The following ABI3BP variants were observed in gnomAD, a reference collection of about 807,000 sequenced individuals.
The protein encoded by ABI3BP is target of Nesh-SH3.
Under a neutral mutation model 268.6 loss-of-function variants are expected in ABI3BP, and 216 were observed. The ratio of observed to expected loss-of-function variants is 0.80; its 90% CI spans 0.72 to 0.90. The LOEUF (loss-of-function observed/expected upper bound fraction) is 0.90, where lower values mean the gene tolerates loss of function less well. ABI3BP is among the 40% of genes least tolerant of loss of function. The pLI, the probability that ABI3BP is intolerant of heterozygous loss-of-function variation, is 0.00. For missense variants in ABI3BP, 2,090 were observed against 2,182.4 expected, an observed-to-expected ratio of 0.96 and a Z score of 0.84; for synonymous variants, 730 against 730.0, an observed-to-expected ratio of 1.00 and a Z score of 0.00.
chr3:100,880,349 C>T (rs73137251), intron 6 of ABI3BP, among the ~76,000 whole-genome samples: 5 of 152,178 alleles, frequency 3.3e-5, no homozygotes, highest in East Asian at 1.9e-4. Flanking sequence ...CCGATTCCCC[C>T]ATTCTTGCTG....
chr3:100,910,547 TAA>T (rs1237259399), intron 2 of ABI3BP, among the ~76,000 whole-genome samples: 17 of 150,106 alleles, frequency 1.1e-4, no homozygotes, highest in African/African-American at 4.2e-4. Flanking sequence ...CCTTTTTTTT[TAA>T]AAAAAAAATA....
In ABI3BP at chr3:100,840,146, C is replaced by T. The variant is rs1405341108; in HGVS notation, c.1823G>A (p.Arg608Lys). ...ACGGGGGCGGGGGCGACGACCTGGT[C>T]TTTTGGTCTTTCGTGGTGCTGAAGA... ...STTLAPRKTK[R>K]PGRRPRPRPR... Residue 608 changes from arginine to lysine, a missense_variant, in exon 23 of 68, where the codon AGA (arginine) becomes AAA (lysine). Coordinates refer to ENST00000471714, the MANE Select transcript of ABI3BP (RefSeq NM_001375547.2). 1 of 1,532,216 alleles carries T rather than the reference C, an allele frequency of 6.5e-7. No individual in the cohort carries two copies. Among genetic ancestry groups the T allele is most frequent in the Non-Finnish European group, 8.7e-7 (1 of 1,145,262 alleles). The allele number at this position is 1,532,216 out of a possible 1,614,324, so 94.9% of individuals were successfully genotyped here.
chr3:100,962,269 A>G (rs2079412469), intron 1 of ABI3BP, among the ~76,000 whole-genome samples: 1 of 152,076 alleles, frequency 6.6e-6, no homozygotes, highest in South Asian at 2.1e-4. Flanking sequence ...CTACGTCAGC[A>G]CCCATCCCTC....
At chr3:100,816,848 T>A in intron 42 of ABI3BP, 80 bp from the exon 43 acceptor site, 1 of 947,276 alleles carries the variant, frequency 1.1e-6, no homozygotes, top group Non-Finnish European at 1.6e-6. Flanking sequence ...TATGTCATAT[T>A]TCCTTGAGAT....
chr3:100,914,897 TCA>T (rs1398319351), intron 2 of ABI3BP, among the ~76,000 whole-genome samples: 3 of 152,170 alleles, frequency 2.0e-5, no homozygotes, highest in African/African-American at 7.2e-5. Flanking sequence ...GGAGTTTTTC[TCA>T]GTTTTACTCT....
chr3:100,902,839 T>A (rs41273557), intron 2 of ABI3BP, among the ~76,000 whole-genome samples, 153 bp from the exon 3 acceptor site: 15,604 of 152,114 alleles, frequency 0.1, 1,079 homozygotes, highest in Non-Finnish European at 0.15. Context: ...AGTTGACACT[T>A]CCTGAGAAGT....
intron 1 of ABI3BP, among the ~76,000 whole-genome samples, chr3:100,986,093 TACC>T (rs2091675552): frequency 6.6e-6 from 1 of 152,182 alleles, no homozygotes; most frequent in African/African-American, 2.4e-5. Flanking sequence ...ACCTCCATCT[TACC>T]AGCAGACTCT....
intron 5 of ABI3BP, 79 bp downstream of exon 5, chr3:100,886,063 T>C: frequency 9.1e-7 from 1 of 1,103,890 alleles, no homozygotes; most frequent in Non-Finnish European, 1.2e-6. Context: ...TATTATACAA[T>C]GAATAACATA....
At chr3:100,821,876 C>T (rs961770133) in intron 38 of ABI3BP, among the ~76,000 whole-genome samples, 1 of 152,108 alleles carries the variant, frequency 6.6e-6, no homozygotes, top group Non-Finnish European at 1.5e-5. Flanking sequence ...GCTAGGATTA[C>T]AGGTGTGAGC....
chr3:100,778,640 A>C, intron 58 of ABI3BP: 1 of 357,044 alleles, frequency 2.8e-6, no homozygotes, highest in Non-Finnish European at 5.0e-6. Context: ...CGGGCCCTTC[A>C]TATCTGTGGG....
Position 100,800,298 on chromosome 3 carries a change from T to C in ABI3BP, c.3758-3830A>G, listed in dbSNP as rs888525862. Among the ~76,000 whole-genome samples, 6 of 152,128 alleles carry C rather than the reference T, an allele frequency of 3.9e-5. No individual in the cohort carries two copies. In the East Asian group the frequency reaches 1.2e-3, roughly 29 times the overall value. ...TACAGATGTAATTATATCACTCCCA[T>C]GATTACAAAAAGAAACACACACAAT... On this transcript the variant is annotated intron_variant, in intron 51 of 67. Transcript: ENST00000471714.
chr3:100,866,813 C>A, intron 10 of ABI3BP, 66 bp downstream of exon 10: 2 of 1,320,952 alleles, frequency 1.5e-6, no homozygotes, highest in South Asian at 1.3e-5. Context: ...AAAAAGACTG[C>A]AGATTAGTAT....
At chr3:100,845,976 G>C (rs533621653) in intron 20 of ABI3BP, among the ~76,000 whole-genome samples, 47 of 151,984 alleles carry the variant, frequency 3.1e-4, no homozygotes, top group African/African-American at 1.1e-3. Flanking sequence ...TGGTCTTCTA[G>C]CCTGAGAACT....
intron 11 of ABI3BP, chr3:100,864,608 C>T (rs1441084958): frequency 4.0e-6 from 2 of 505,804 alleles, no homozygotes; most frequent in East Asian, 6.7e-5. Flanking sequence ...CAATTAGCAT[C>T]CAGATTTGCC....
intron 49 of ABI3BP, among the ~76,000 whole-genome samples, chr3:100,809,852 TTTG>T (rs1452422571): frequency 6.6e-6 from 1 of 152,104 alleles, no homozygotes; most frequent in African/African-American, 2.4e-5. Flanking sequence ...TATGTAAAGC[TTTG>T]TGATAAGCCA....
Position 100,864,869 on chromosome 3 carries a change from T to A in ABI3BP, c.1027A>T (p.Thr343Ser). 6.2e-7 allele frequency: 1 copy of A among 1,608,542 alleles called. No homozygotes were observed. Among genetic ancestry groups the A allele is most frequent in the Non-Finnish European group, 8.5e-7 (1 of 1,178,244 alleles). ...TCTGAAACATCTAATGCACTAGACG[T>A]AGTGGGTTTAGTGCTTCTTGGAACT... ...ETVPRSTKPT[T>S]SSALDVSETT... Residue 343 changes from threonine to serine, a missense_variant, in exon 11 of 68, where the codon ACG becomes TCG. Thr to Ser is a moderately conservative substitution (Grantham distance 58, BLOSUM62 1). Coordinates refer to ENST00000471714, the MANE Select transcript of ABI3BP (RefSeq NM_001375547.2).
At chr3:100,796,517 G>A (rs1423901541) in intron 51 of ABI3BP, 49 bp from the exon 52 acceptor site, 12 of 1,398,396 alleles carry the variant, frequency 8.6e-6, no homozygotes, top group Middle Eastern at 1.8e-4. Flanking sequence ...TAACCCAACT[G>A]GAGTGAGCTT....
intron 27 of ABI3BP, 54 bp downstream of exon 27, chr3:100,837,070 T>C (rs878870211): frequency 4.2e-6 from 6 of 1,435,690 alleles, no homozygotes; most frequent in South Asian, 3.9e-5. Context: ...AAAAAAGAGA[T>C]GAGAGGCGCA....
At chr3:100,984,607 C>T (rs1438577300) in intron 1 of ABI3BP, among the ~76,000 whole-genome samples, 2 of 152,100 alleles carry the variant, frequency 1.3e-5, no homozygotes, top group Non-Finnish European at 2.9e-5. Context: ...TCATCAAAAT[C>T]ACTGTAAATA....
Sources: allele counts gnomAD v4.1 joint callset (sites outside exome capture counted in the v4.1 genomes callset), GRCh38; gene constraint gnomAD v4.1.1; transcripts MANE v1.5; gene names NCBI Gene and HGNC (gene_info 2026-07-23, HGNC 2026-07-21).